TBX19: variants seen among roughly 807,000 people sequenced by gnomAD.
TBX19 encodes T-box transcription factor 19.
Under a neutral mutation model 40.9 loss-of-function variants are expected in TBX19, and 33 were observed. That is an observed-to-expected ratio of 0.81 (90% CI 0.61 to 1.08). The LOEUF is 1.08. Among genes scored for constraint, TBX19 ranks in the 50% least tolerant of loss-of-function variants. TBX19 has a pLI of 0.00. For missense variants in TBX19, 494 were observed against 574.0 expected (o/e 0.86, Z 1.42); for synonymous variants, 220 against 225.0 (o/e 0.98, Z 0.20).
intron 7 of TBX19, among the ~76,000 whole-genome samples, chr1:168,309,698 C>G (rs1198880727): frequency 6.6e-6 from 1 of 152,132 alleles, no homozygotes; most frequent in African/African-American, 2.4e-5. Flanking sequence ...TTCTAGAAAT[C>G]TGAGTGGTGA....
Position 168,281,187 on chromosome 1 carries a change from A to G in TBX19, c.97A>G (p.Lys33Glu). ...GAGTGAGCTTCAGGCAGGGAGGGAAAAAGGCGACCCTACGGAGAAGCAACT... is the reference window on the plus strand; with the variant it reads ...GAGTGAGCTTCAGGCAGGGAGGGAAGAAGGCGACCCTACGGAGAAGCAACT... ...VESELQAGRE[K>E]GDPTEKQLQI... Residue 33 changes from lysine (K) to glutamate (E), a missense_variant, in exon 1 of 8, where the codon AAA (lysine) becomes GAA (glutamate). Physicochemically the swap from Lys to Glu is moderately conservative, Grantham distance 56. Coordinates refer to ENST00000367821, the MANE Select transcript of TBX19 (RefSeq NM_005149.3). 2 of 1,614,174 alleles carry G rather than the reference A, an allele frequency of 1.2e-6. No individual in the cohort carries two copies. Among genetic ancestry groups the G allele is most frequent in the Non-Finnish European group, 1.7e-6 (2 of 1,180,018 alleles).
At chr1:168,291,516 G>A in intron 2 of TBX19, 92 bp downstream of exon 2, 1 of 1,572,290 alleles carries the variant, frequency 6.4e-7, no homozygotes, top group South Asian at 1.1e-5. Context: ...GCAATTAGAG[G>A]TGTCCTCACC....
At position 168,285,302 on chromosome 1, in the gene TBX19, C is replaced by A. The variant is rs911015889; in HGVS notation, c.203+4009C>A. Among the ~76,000 whole-genome samples, 4 of 147,426 alleles carry A rather than the reference C, an allele frequency of 2.7e-5. 1 individual carries two copies. In the South Asian group the frequency reaches 8.6e-4, roughly 32 times the overall value. ...ACACACACACACACACACACACACC[C>A]CTCTAAAAGTTCTGATGAGTATTTG... On this transcript the variant is annotated intron_variant, in intron 1 of 7. Coordinates refer to ENST00000367821, the MANE Select transcript of TBX19 (RefSeq NM_005149.3).
intron 3 of TBX19, 123 bp from the exon 4 acceptor site, chr1:168,297,601 C>G: frequency 1.2e-6 from 1 of 854,394 alleles, no homozygotes; most frequent in African/African-American, 1.7e-5. Flanking sequence ...CATAAGCCAT[C>G]GTGCCTGGTG....
chr1:168,297,845 G>A, intron 4 of TBX19, 60 bp downstream of exon 4: 12 of 1,399,996 alleles, frequency 8.6e-6, no homozygotes, highest in Non-Finnish European at 1.1e-5. Flanking sequence ...TACAAATGTG[G>A]AATTTATGAT....
chr1:168,310,973 ATATT>A (rs1558196042), intron 7 of TBX19, among the ~76,000 whole-genome samples: 1 of 150,820 alleles, frequency 6.6e-6, no homozygotes, highest in African/African-American at 2.4e-5. Flanking sequence ...GTTAAATAAA[ATATT>A]AATAAATTAA....
chr1:168,300,100 A>C (rs2075976), intron 4 of TBX19, among the ~76,000 whole-genome samples: 26,528 of 152,048 alleles, frequency 0.17, 3,721 homozygotes, highest in African/African-American at 0.38. Context: ...TAATTGTGCC[A>C]TGGAATTGTG....
chr1:168,307,366 G>A (rs370621886), intron 6 of TBX19, among the ~76,000 whole-genome samples: 11 of 152,202 alleles, frequency 7.2e-5, no homozygotes, highest in South Asian at 4.1e-4. Flanking sequence ...ATAACATTGC[G>A]AAAGGCATCA....
intron 1 of TBX19, among the ~76,000 whole-genome samples, chr1:168,286,998 T>C (rs1031345733): frequency 6.6e-6 from 1 of 152,238 alleles, no homozygotes; most frequent in Non-Finnish European, 1.5e-5. Flanking sequence ...AAGCATCTTT[T>C]GATTGATCAT....
At chr1:168,297,561 C>T (rs1047766358) in intron 3 of TBX19, 163 bp from the exon 4 acceptor site, 1 of 715,904 alleles carries the variant, frequency 1.4e-6, no homozygotes, top group Non-Finnish European at 2.6e-6. Flanking sequence ...TGGAAAGGGC[C>T]TCTGCCTCTC....
intron 1 of TBX19, among the ~76,000 whole-genome samples, chr1:168,288,083 C>G (rs1648846055): frequency 6.6e-6 from 1 of 152,142 alleles, no homozygotes. Context: ...ACAGCCATCC[C>G]TTGGCATCCG....
chr1:168,292,146 C>T (rs1007080086), intron 2 of TBX19, among the ~76,000 whole-genome samples: 10 of 152,194 alleles, frequency 6.6e-5, no homozygotes, highest in Non-Finnish European at 1.3e-4. Flanking sequence ...GGCTTTCCCT[C>T]AGCCTCCCAC....
At chr1:168,296,772 G>A (rs917790081) in intron 3 of TBX19, among the ~76,000 whole-genome samples, 2 of 152,158 alleles carry the variant, frequency 1.3e-5, no homozygotes, top group African/African-American at 4.8e-5. Context: ...ACTTTGGGAG[G>A]CTGAGGCAGG....
chr1:168,307,731 TC>T (rs751820439), intron 6 of TBX19, among the ~76,000 whole-genome samples: 23 of 151,964 alleles, frequency 1.5e-4, no homozygotes, highest in Admixed American at 5.3e-4. Context: ...AAGACATTCT[TC>T]CCCCACCCCC....
At chr1:168,281,347 GA>G (rs1648644782) in intron 1 of TBX19, 54 bp downstream of exon 1, 1 of 1,543,296 alleles carries the variant, frequency 6.5e-7, no homozygotes, top group Non-Finnish European at 9.0e-7. Flanking sequence ...GGAGAGATGA[GA>G]CCCCTTGAAT....
chr1:168,305,326 T>C, intron 6 of TBX19, 130 bp downstream of exon 6: 3 of 792,756 alleles, frequency 3.8e-6, no homozygotes, highest in Non-Finnish European at 6.2e-6. Flanking sequence ...ATCTATGATA[T>C]GATTGTTTTT....
At position 168,305,245 on chromosome 1, in the gene TBX19, G is replaced by T. The variant is rs749360650; in HGVS notation, c.916+49G>T. The T allele has an allele frequency of 1.3e-6, 2 of 1,578,770 alleles. 1 individual carries two copies. Among genetic ancestry groups the T allele is most frequent in the South Asian group, 2.2e-5 (2 of 90,520 alleles). On this transcript the variant is annotated intron_variant, in intron 6 of 7. Transcript: ENST00000367821. Reference sequence around the variant, plus strand: ...CCTTGGGGTATGGGCTGGGGTGGGGGCAGTCAGGAGAAATGGATAAACAGC... The same window carrying T: ...CCTTGGGGTATGGGCTGGGGTGGGGTCAGTCAGGAGAAATGGATAAACAGC...
At position 168,297,709 on chromosome 1, in the gene TBX19, C is replaced by A; in HGVS notation, c.604-15C>A. The A allele has an allele frequency of 6.8e-6, 11 of 1,612,950 alleles. No individual in the cohort carries two copies. The highest frequency in any genetic ancestry group is 9.3e-6 in the Non-Finnish European group (11 of 1,178,956). ...TCCTACTTTTACTAACACTTCTTGTCTTTGTAAATGCAAGATAACGGCTCT... is the reference window on the plus strand; with the variant it reads ...TCCTACTTTTACTAACACTTCTTGTATTTGTAAATGCAAGATAACGGCTCT... On this transcript the variant is annotated splice_polypyrimidine_tract_variant and intron_variant, in intron 3 of 7. Transcript: ENST00000367821.
In TBX19 at chr1:168,300,856, T is replaced by C. The variant is rs540855059; in HGVS notation, c.727+373T>C. 3.3e-5 allele frequency among the ~76,000 whole-genome samples: 5 copies of C among 152,338 alleles called. No individual in the cohort carries two copies. The South Asian group carries it at 1.0e-3, about 32-fold the overall frequency. On this transcript the variant is annotated intron_variant, in intron 5 of 7. Transcript: ENST00000367821. ...GAGTTCTCCTGTTCTTAGTGTTTGC[T>C]AATTTTGGAGTTGGTTCCCATAGCA...
Sources: gnomAD v4.1 joint callset for allele counts (sites outside exome capture counted in the v4.1 genomes callset) on GRCh38, gnomAD v4.1.1 for gene constraint, MANE v1.5 for transcripts, NCBI Gene and HGNC (gene_info 2026-07-23, HGNC 2026-07-21) for gene names.